HIVEP2: variants seen among roughly 807,000 people sequenced by gnomAD.
The protein encoded by HIVEP2 is transcription factor HIVEP2.
A neutral mutation model predicts 180.7 loss-of-function variants in HIVEP2; 14 were observed. That is an observed-to-expected ratio of 0.08 (90% CI 0.05 to 0.12). The LOEUF is 0.12. Among genes scored for constraint, HIVEP2 ranks in the 10% least tolerant of loss-of-function variants. The probability of loss-of-function intolerance (pLI) is 1.00; values close to 1 mark genes in which losing one functional copy is unlikely to be tolerated. For synonymous variants in HIVEP2, 1,184 were observed against 1,136.4 expected (o/e 1.04, Z -0.84); for missense variants, 2,579 against 3,008.5 (o/e 0.86, Z 3.34).
intron 1 of HIVEP2, among the ~76,000 whole-genome samples, chr6:142,931,364 C>G (rs1777939004): frequency 6.6e-6 from 1 of 151,316 alleles, no homozygotes; most frequent in Non-Finnish European, 1.5e-5. Flanking sequence ...ATTCTGTATC[C>G]CCATTTTTAA....
Position 142,751,522 on chromosome 6 carries a change from T to C in HIVEP2, c.*1585A>G, listed in dbSNP as rs1774917464. On this transcript the variant is annotated 3_prime_UTR_variant, in exon 10 of 10. Transcript: ENST00000367603. ...TTTTAAAGAACACTCCTTAATGTAA[T>C]TCAATATACAAACTTGGTTTCACAG... is the stretch of plus-strand genomic sequence containing the variant. 6.5e-6 allele frequency: 1 copy of C among 152,708 alleles called. No individual in the cohort carries two copies. Among genetic ancestry groups the C allele is most frequent in the Non-Finnish European group, 1.5e-5 (1 of 68,046 alleles). The allele number at this position is 152,708 out of a possible 1,614,324, so 9.5% of individuals were successfully genotyped here.
chr6:142,792,311 G>A (rs988010551), intron 2 of HIVEP2, among the ~76,000 whole-genome samples: 3 of 152,200 alleles, frequency 2.0e-5, no homozygotes, highest in South Asian at 2.1e-4. Context: ...AGGAGACTTG[G>A]AGCAAAGGAG....
intron 1 of HIVEP2, among the ~76,000 whole-genome samples, chr6:142,929,876 G>A (rs1777900694): frequency 6.6e-6 from 1 of 152,128 alleles, no homozygotes; most frequent in African/African-American, 2.4e-5. Flanking sequence ...CATAGACTTT[G>A]AAAAGTCTTT....
rs564262712 is a variant in HIVEP2 at position 142,769,698 on chromosome 6, T to C, written c.5041A>G (p.Asn1681Asp). The C allele has an allele frequency of 6.2e-7, 1 of 1,614,190 alleles. No individual in the cohort carries two copies. The highest frequency in any genetic ancestry group is 1.7e-5 in the Admixed American group (1 of 60,014). The part of the protein sequence containing the change: ...ASWCISSCNP[N>D]PSGLNTKTTL... ...GTCTTGGTGTTCAATCCTGATGGGT[T>C]TGGATTACAGGAACTAATGCACCAT... Residue 1681 changes from asparagine to aspartate, a missense_variant, in exon 5 of 10, where the codon AAC (asparagine) becomes GAC (aspartate). Asn to Asp is a conservative substitution (Grantham distance 23, BLOSUM62 1). Around this residue, in one of 11 missense-constraint regions of HIVEP2, gnomAD observed 349 missense variants for 367.2 expected, o/e 0.95. Coordinates refer to ENST00000367603, the MANE Select transcript of HIVEP2 (RefSeq NM_006734.4).
At chr6:142,937,363 C>G (rs546385000) in intron 1 of HIVEP2, among the ~76,000 whole-genome samples, 20 of 152,196 alleles carry the variant, frequency 1.3e-4, no homozygotes, top group South Asian at 4.1e-4. Flanking sequence ...TAATAATAAC[C>G]CATAGCTACC....
At position 142,770,305 on chromosome 6, in the gene HIVEP2, C is replaced by T; in HGVS notation, c.4434G>A (p.Leu1478=). Residue 1478 remains leucine (L), a synonymous_variant, in exon 5 of 10, where the codon CTG becomes CTA. Coordinates refer to ENST00000367603, the MANE Select transcript of HIVEP2 (RefSeq NM_006734.4). The surrounding 1 kb of genome is among the most constrained non-coding windows in gnomAD (Gnocchi z 4.7). The part of the protein sequence containing the change: ...QIVEELSAVE[L]TNSDIKKDLS... ...GGTCCTTTTTGATGTCTGAGTTGGT[C>T]AGCTCCACAGCACTAAGCTCCTCCA... The T allele has an allele frequency of 6.2e-7, 1 of 1,614,172 alleles. No homozygotes were observed. Among genetic ancestry groups the T allele is most frequent in the Non-Finnish European group, 8.5e-7 (1 of 1,180,036 alleles).
intron 7 of HIVEP2, among the ~76,000 whole-genome samples, chr6:142,763,888 C>T (rs1287317106): frequency 6.6e-6 from 1 of 152,188 alleles, no homozygotes; most frequent in Non-Finnish European, 1.5e-5. Context: ...ATTTACACTT[C>T]TAGCAATTTA....
intron 2 of HIVEP2, among the ~76,000 whole-genome samples, chr6:142,796,753 T>A (rs1299204383): frequency 6.6e-6 from 1 of 152,186 alleles, no homozygotes; most frequent in Non-Finnish European, 1.5e-5. Context: ...GCATTAAACA[T>A]GATGAAAAAT....
intron 1 of HIVEP2, among the ~76,000 whole-genome samples, chr6:142,837,251 G>T (rs1335469992): frequency 6.6e-6 from 1 of 152,056 alleles, no homozygotes; most frequent in Non-Finnish European, 1.5e-5. Flanking sequence ...GAATGTTCAA[G>T]CATAGAGAAA....
chr6:142,945,116 C>T lies in HIVEP2; in HGVS notation c.-658G>A, dbSNP rs1174087785. ...CCCGCTACCTGACAACGGGCCGCCG[C>T]CGGCCGCCGCAGCCGCAGCGGTGGC... On this transcript the variant is annotated 5_prime_UTR_variant, in exon 1 of 10. Coordinates refer to ENST00000367603, the MANE Select transcript of HIVEP2 (RefSeq NM_006734.4). This position sits in a 1 kb window ranked among gnomAD's most constrained non-coding sequence, Gnocchi z 5.5. The T allele has an allele frequency of 6.7e-6, 1 of 148,162 alleles. No homozygotes were observed. Among genetic ancestry groups the T allele is most frequent in the Non-Finnish European group, 1.5e-5 (1 of 66,786 alleles). The allele number at this position is 148,162 out of a possible 1,614,324, so 9.2% of individuals were successfully genotyped here.
chr6:142,802,211 T>C (rs1776431520), intron 2 of HIVEP2, among the ~76,000 whole-genome samples: 1 of 152,196 alleles, frequency 6.6e-6, no homozygotes, highest in African/African-American at 2.4e-5. Context: ...AAGGATTCAA[T>C]CTTCTGCCAT....
At chr6:142,791,632 C>T (rs531137417) in intron 2 of HIVEP2, among the ~76,000 whole-genome samples, 1 of 152,300 alleles carries the variant, frequency 6.6e-6, no homozygotes, top group South Asian at 2.1e-4. Context: ...TTTTCCAAAG[C>T]TCATATATAC....
Position 142,793,656 on chromosome 6 carries a change from C to CTTTT in HIVEP2, c.-527-10045_-527-10042dup, listed in dbSNP as rs1554279275. On this transcript the variant is annotated intron_variant, in intron 2 of 9. Coordinates refer to ENST00000367603, the MANE Select transcript of HIVEP2 (RefSeq NM_006734.4). ...TCTTTCTTTCTTTCTTTCTTTCTTT[C>CTTTT]TTTTTTCTTTCTTTCTTTCTCTCTC... 3.7e-3 allele frequency among the ~76,000 whole-genome samples: 289 copies of CTTTT among 77,150 alleles called. 3 individuals carry two copies. Among genetic ancestry groups the CTTTT allele is most frequent in the African/African-American group, 7.6e-3 (172 of 22,682 alleles). 50.6% of individuals were successfully genotyped at this position (77,150 alleles called of 152,430 possible). A position where few individuals can be genotyped will look rare whatever the true frequency, so the allele number is the denominator to read the frequency against.
At chr6:142,805,474 C>T (rs926887683) in intron 2 of HIVEP2, among the ~76,000 whole-genome samples, 13 of 151,468 alleles carry the variant, frequency 8.6e-5, no homozygotes, top group Admixed American at 2.6e-4. Context: ...TTAGAGCTTG[C>T]TCTTTCTGTT....
At chr6:142,848,271 T>A (rs755991172) in intron 1 of HIVEP2, among the ~76,000 whole-genome samples, 1 of 152,160 alleles carries the variant, frequency 6.6e-6, no homozygotes, top group Non-Finnish European at 1.5e-5. Flanking sequence ...GGATGTGGGA[T>A]GGGGGAAGGT....
chr6:142,780,152 T>C (rs1171729867), intron 3 of HIVEP2, among the ~76,000 whole-genome samples: 1 of 152,218 alleles, frequency 6.6e-6, no homozygotes, highest in Non-Finnish European at 1.5e-5. Context: ...ATAGCTTCTG[T>C]CAAGAAAATC....
intron 1 of HIVEP2, among the ~76,000 whole-genome samples, chr6:142,901,716 T>G (rs1013051347): frequency 2.0e-5 from 3 of 152,208 alleles, no homozygotes; most frequent in Admixed American, 1.3e-4. Context: ...TGAGCCTCAA[T>G]GTCTCAGGTA....
intron 9 of HIVEP2, among the ~76,000 whole-genome samples, chr6:142,755,628 G>C (rs976256171): frequency 1.7e-4 from 26 of 152,316 alleles, no homozygotes; most frequent in African/African-American, 6.3e-4. Context: ...GAGAGAGAGA[G>C]AGATGTCCTA....
chr6:142,839,790 T>C (rs1419873397), intron 1 of HIVEP2, among the ~76,000 whole-genome samples: 3 of 152,114 alleles, frequency 2.0e-5, no homozygotes, highest in East Asian at 1.9e-4. Flanking sequence ...AATGTCTCTA[T>C]AGACCTAAAT....
Sources: allele counts gnomAD v4.1 joint callset (sites outside exome capture counted in the v4.1 genomes callset), GRCh38; gene constraint gnomAD v4.1.1; regional missense constraint gnomAD v4.1.1; non-coding constraint Gnocchi (gnomAD v3.1); transcripts MANE v1.5; gene names NCBI Gene and HGNC (gene_info 2026-07-23, HGNC 2026-07-21).